Variants in PRKCE observed in about 807,000 individuals in gnomAD.
The protein encoded by PRKCE is protein kinase C epsilon type.
PRKCE carries 16 observed loss-of-function variants against 85.4 expected under a neutral mutation model. The ratio of observed to expected loss-of-function variants is 0.19; its 90% CI spans 0.13 to 0.28. PRKCE has a LOEUF of 0.28. Among genes scored for constraint, PRKCE ranks in the 10% least tolerant of loss-of-function variants. The probability of loss-of-function intolerance (pLI) is 1.00; values close to 1 mark genes in which losing one functional copy is unlikely to be tolerated. For missense variants in PRKCE, 573 were observed against 975.2 expected (o/e 0.59, Z 5.49); for synonymous variants, 388 against 371.5 (o/e 1.04, Z -0.51).
chr2:45,733,181 C>T (rs1280297084), intron 1 of PRKCE, among the ~76,000 whole-genome samples: 1 of 152,234 alleles, frequency 6.6e-6, no homozygotes, highest in East Asian at 1.9e-4. Flanking sequence ...AGGTATCAGA[C>T]TGACTGCATG....
At chr2:46,026,334 T>C (rs1707108970) in intron 10 of PRKCE, among the ~76,000 whole-genome samples, 1 of 152,166 alleles carries the variant, frequency 6.6e-6, no homozygotes, top group Non-Finnish European at 1.5e-5. Flanking sequence ...ATGGGACATT[T>C]AGACTTCATG....
chr2:46,045,947 G>A (rs934169740), intron 10 of PRKCE, among the ~76,000 whole-genome samples: 1 of 152,164 alleles, frequency 6.6e-6, no homozygotes, highest in Non-Finnish European at 1.5e-5. Context: ...CTTACAGTGT[G>A]GGGCCCTGGT....
chr2:46,158,354 G>A (rs1677420816), intron 13 of PRKCE, among the ~76,000 whole-genome samples: 1 of 152,184 alleles, frequency 6.6e-6, no homozygotes, highest in Admixed American at 6.5e-5. Context: ...TTCAGGCTGA[G>A]GAGCTCCTGT....
intron 1 of PRKCE, among the ~76,000 whole-genome samples, chr2:45,732,899 G>C (rs990210339): frequency 1.3e-5 from 2 of 152,136 alleles, no homozygotes; most frequent in Non-Finnish European, 2.9e-5. Context: ...AAGTTAAATC[G>C]TTATAATTAA....
At chr2:46,129,716 G>A (rs1343469896) in intron 11 of PRKCE, among the ~76,000 whole-genome samples, 1 of 152,260 alleles carries the variant, frequency 6.6e-6, no homozygotes, top group Non-Finnish European at 1.5e-5. Flanking sequence ...GCTGCCCACA[G>A]GAAGCTGCCT....
rs778221164 is a variant in PRKCE at position 46,086,222 on chromosome 2, C to T, written c.1452C>T (p.Phe484=). ...TCTCCTTTCAGGACCGCCTCTTTTT[C>T]GTCATGGAATATGTAAATGGTGGAG... is the stretch of plus-strand genomic sequence containing the variant. ...CCFQTKDRLF[F]VMEYVNGGDL... Residue 484 remains phenylalanine (F), a synonymous_variant, in exon 11 of 15, where the codon TTC becomes TTT. Coordinates refer to ENST00000306156, the MANE Select transcript of PRKCE (RefSeq NM_005400.3). 9 of 1,598,438 alleles carry T rather than the reference C, an allele frequency of 5.6e-6. No individual in the cohort carries two copies. The highest frequency in any genetic ancestry group is 1.1e-5 in the South Asian group (1 of 90,880).
intron 2 of PRKCE, among the ~76,000 whole-genome samples, chr2:45,916,763 T>C (rs1435103871): frequency 6.6e-6 from 1 of 152,152 alleles, no homozygotes; most frequent in African/African-American, 2.4e-5. Context: ...GTGTCCGGAA[T>C]TGGTGGGTTC....
At chr2:46,089,660 C>T (rs758909888) in intron 11 of PRKCE, among the ~76,000 whole-genome samples, 3 of 151,984 alleles carry the variant, frequency 2.0e-5, no homozygotes, top group African/African-American at 4.8e-5. Flanking sequence ...GGGCACAGGC[C>T]GCGGGTTGGG....
At chr2:46,174,179 G>T (rs954914384) in intron 14 of PRKCE, among the ~76,000 whole-genome samples, 5 of 152,240 alleles carry the variant, frequency 3.3e-5, no homozygotes, top group Admixed American at 3.3e-4. Flanking sequence ...GTGAGGCCCA[G>T]CCTGAGGCTT....
At chr2:45,667,021 T>G (rs1675943968) in intron 1 of PRKCE, among the ~76,000 whole-genome samples, 1 of 152,106 alleles carries the variant, frequency 6.6e-6, no homozygotes, top group Non-Finnish European at 1.5e-5. Flanking sequence ...TTAAAAGTTT[T>G]TTGTAGAGGC....
rs574894685 is a variant in PRKCE, at chr2:46,068,642, C to T, written c.1438-17566C>T. Among the ~76,000 whole-genome samples the T allele has an allele frequency of 7.2e-5, 11 of 152,246 alleles. No homozygotes were observed. The highest frequency in any genetic ancestry group is 5.8e-4 in the East Asian group (3 of 5,182). On this transcript the variant is annotated intron_variant, in intron 10 of 14. Transcript: ENST00000306156. The surrounding 1 kb of genome is among the most constrained non-coding windows in gnomAD (Gnocchi z 4.3). ...ATCAGATGTGTAGTTTAAGGATTGC[C>T]GTGAATTCAGAAGCAGAAGAATTCT...
intron 2 of PRKCE, among the ~76,000 whole-genome samples, chr2:45,902,651 A>G (rs1696664614): frequency 6.6e-6 from 1 of 152,200 alleles, no homozygotes; most frequent in African/African-American, 2.4e-5. Flanking sequence ...GGTCTTCAAG[A>G]AAGACTGTGA....
intron 1 of PRKCE, among the ~76,000 whole-genome samples, chr2:45,839,369 A>ATACC (rs34445382): frequency 0.2 from 30,726 of 152,064 alleles, 3,508 homozygotes; most frequent in South Asian, 0.26. Flanking sequence ...CTGGAGGGGT[A>ATACC]GCCAAGGCAC....
At chr2:45,777,476 C>T (rs1021834912) in intron 1 of PRKCE, among the ~76,000 whole-genome samples, 18 of 152,032 alleles carry the variant, frequency 1.2e-4, no homozygotes, top group African/African-American at 3.4e-4. Flanking sequence ...GTGGCGCCCA[C>T]GAGCTAATGT....
chr2:45,794,341 G>T lies in PRKCE; in HGVS notation c.349-48659G>T, dbSNP rs533254891. Among the ~76,000 whole-genome samples, 59 of 152,220 alleles carry T rather than the reference G, an allele frequency of 3.9e-4. 2 individuals are homozygous for T. The South Asian group carries it at 0.012, about 30-fold the overall frequency. ...CGCACTCTGGGCTGGCGTTTCCTTC[G>T]AATAATGAATTATTCAGGGAGGGAT... On this transcript the variant is annotated intron_variant, in intron 1 of 14. Transcript: ENST00000306156.
intron 2 of PRKCE, among the ~76,000 whole-genome samples, chr2:45,916,576 G>A (rs1420114557): frequency 1.3e-5 from 2 of 152,158 alleles, no homozygotes; most frequent in African/African-American, 2.4e-5. Flanking sequence ...GGCAAAGTCT[G>A]CAGATCATCT....
chr2:45,713,992 A>C (rs959507016), intron 1 of PRKCE, among the ~76,000 whole-genome samples: 3 of 152,220 alleles, frequency 2.0e-5, no homozygotes, highest in African/African-American at 7.2e-5. Context: ...ATTGACATAA[A>C]GTTATGTTCT....
intron 2 of PRKCE, among the ~76,000 whole-genome samples, chr2:45,906,288 C>G (rs1696969110): frequency 6.6e-6 from 1 of 152,238 alleles, no homozygotes; most frequent in Non-Finnish European, 1.5e-5. Flanking sequence ...ATAGGCAGCT[C>G]TGCTTGGGGC....
intron 1 of PRKCE, among the ~76,000 whole-genome samples, chr2:45,787,727 A>T (rs1418957184): frequency 1.3e-5 from 2 of 152,228 alleles, no homozygotes. Flanking sequence ...AGACCTGACA[A>T]CTTGGCTCAG....
Sources: allele counts gnomAD v4.1 joint callset (sites outside exome capture counted in the v4.1 genomes callset), GRCh38; gene constraint gnomAD v4.1.1; non-coding constraint Gnocchi (gnomAD v3.1); transcripts MANE v1.5; gene names NCBI Gene and HGNC (gene_info 2026-07-23, HGNC 2026-07-21).